SFMBT2: variants seen among roughly 807,000 people sequenced by gnomAD.
The protein encoded by SFMBT2 is scm-like with four MBT domains protein 2.
A neutral mutation model predicts 110.1 loss-of-function variants in SFMBT2; 38 were observed. The ratio of observed to expected loss-of-function variants is 0.35; its 90% confidence interval spans 0.27 to 0.45. The LOEUF (loss-of-function observed/expected upper bound fraction) is 0.45, where lower values mean the gene tolerates loss of function less well. Among genes scored for constraint, SFMBT2 ranks in the 20% least tolerant of loss-of-function variants. The probability of loss-of-function intolerance (pLI) is 1.00; values close to 1 mark genes in which losing one functional copy is unlikely to be tolerated. For synonymous variants in SFMBT2, 425 were observed against 425.4 expected (o/e 1.00, Z 0.01); for missense variants, 1,011 against 1,094.9 (o/e 0.92, Z 1.08).
At chr10:7,194,464 T>C (rs931810729) in intron 15 of SFMBT2, among the ~76,000 whole-genome samples, 3 of 152,200 alleles carry the variant, frequency 2.0e-5, no homozygotes, top group Admixed American at 2.0e-4. Context: ...GACGTCTATT[T>C]CTGGCAGAAC....
intron 9 of SFMBT2, among the ~76,000 whole-genome samples, chr10:7,236,903 C>T (rs567578333): frequency 1.3e-5 from 2 of 152,264 alleles, no homozygotes; most frequent in African/African-American, 4.8e-5. Context: ...AATATATAAA[C>T]TACTTCTACG....
intron 5 of SFMBT2, chr10:7,285,413 T>C (rs1344098774): frequency 1.3e-5 from 2 of 152,466 alleles, no homozygotes; most frequent in Non-Finnish European, 2.9e-5. Context: ...TTAACGTGTG[T>C]ATGTTCAAAT....
intron 4 of SFMBT2, chr10:7,287,468 T>G (rs985858537): frequency 1.6e-5 from 4 of 243,198 alleles, no homozygotes; most frequent in Non-Finnish European, 2.7e-5. Context: ...GCATATCTCT[T>G]TGGCATGTCT....
intron 1 of SFMBT2, among the ~76,000 whole-genome samples, chr10:7,393,002 T>C (rs1845815550): frequency 1.3e-5 from 1 of 77,104 alleles, no homozygotes; most frequent in African/African-American, 1.1e-4. Context: ...TATATATATA[T>C]ATATATATAT....
intron 7 of SFMBT2, among the ~76,000 whole-genome samples, chr10:7,264,473 C>T (rs1841321191): frequency 6.6e-6 from 1 of 152,130 alleles, no homozygotes; most frequent in Non-Finnish European, 1.5e-5. Flanking sequence ...AGTCCAGATG[C>T]AGTACAAGCC....
At chr10:7,330,533 G>T (rs1049876245) in intron 4 of SFMBT2, among the ~76,000 whole-genome samples, 10 of 152,242 alleles carry the variant, frequency 6.6e-5, no homozygotes, top group Non-Finnish European at 1.3e-4. Context: ...GATGGCCCAG[G>T]AGCAGGTACT....
chr10:7,325,693 C>T lies in SFMBT2; in HGVS notation c.437-39739G>A, dbSNP rs559767872. Among the ~76,000 whole-genome samples, 18 of 152,276 alleles carry T rather than the reference C, an allele frequency of 1.2e-4. No individual in the cohort carries two copies. The South Asian group carries it at 1.7e-3, about 14-fold the overall frequency. On this transcript the variant is annotated intron_variant, in intron 4 of 20. Coordinates refer to ENST00000397167, the MANE Select transcript of SFMBT2 (RefSeq NM_001387889.1). ...AACTCTACCAGAAGGTACAACGTGG[C>T]GGTCAAATCTTTTATCTACTTAACA...
intron 4 of SFMBT2, among the ~76,000 whole-genome samples, chr10:7,307,468 C>G (rs959510923): frequency 6.6e-6 from 1 of 152,092 alleles, no homozygotes; most frequent in Admixed American, 6.5e-5. Context: ...TTTAAAGATA[C>G]AGTATAGATA....
At chr10:7,214,570 T>C (rs969115499) in intron 11 of SFMBT2, 31 of 985,372 alleles carry the variant, frequency 3.1e-5, no homozygotes, top group Non-Finnish European at 1.4e-5. Context: ...TACGGACTTA[T>C]GGGATCCCCA....
chr10:7,232,596 C>T (rs1564397279), intron 9 of SFMBT2, among the ~76,000 whole-genome samples: 2 of 152,050 alleles, frequency 1.3e-5, no homozygotes, highest in African/African-American at 4.8e-5. Flanking sequence ...TAAACATATA[C>T]AGAATTATTA....
chr10:7,401,674 C>T (rs1227655855), intron 1 of SFMBT2, among the ~76,000 whole-genome samples: 1 of 152,146 alleles, frequency 6.6e-6, no homozygotes. Context: ...CCTGATCTTC[C>T]TCCCCAAAAC....
intron 12 of SFMBT2, chr10:7,204,233 C>G: frequency 1.9e-6 from 1 of 527,270 alleles, no homozygotes; most frequent in Non-Finnish European, 2.4e-6. Flanking sequence ...CACATAATGT[C>G]CTCTGGTGCT....
intron 7 of SFMBT2, among the ~76,000 whole-genome samples, chr10:7,269,190 G>A (rs568888958): frequency 1.3e-5 from 2 of 152,252 alleles, no homozygotes; most frequent in South Asian, 4.1e-4. Flanking sequence ...AATAAGGTAA[G>A]TCAGAATTCC....
At chr10:7,376,232 C>T (rs535471926) in intron 2 of SFMBT2, among the ~76,000 whole-genome samples, 2 of 152,232 alleles carry the variant, frequency 1.3e-5, no homozygotes, top group Admixed American at 6.5e-5. Context: ...TTCTTGGTGT[C>T]CCCTGGGATG....
intron 4 of SFMBT2, among the ~76,000 whole-genome samples, chr10:7,332,603 T>A (rs1309411692): frequency 6.6e-6 from 1 of 152,216 alleles, no homozygotes; most frequent in African/African-American, 2.4e-5. Flanking sequence ...AAATGCTTTT[T>A]ATTAAAACAA....
At chr10:7,288,419 T>A (rs1842165750) in intron 4 of SFMBT2, among the ~76,000 whole-genome samples, 1 of 152,196 alleles carries the variant, frequency 6.6e-6, no homozygotes, top group Non-Finnish European at 1.5e-5. Flanking sequence ...ATTTTATACA[T>A]ACTCACATGG....
At chr10:7,219,611 A>T (rs1839659536) in intron 11 of SFMBT2, 1 of 268,272 alleles carries the variant, frequency 3.7e-6, no homozygotes, top group African/African-American at 2.3e-5. Flanking sequence ...TAAGATTTAA[A>T]CTATGAACTA....
At chr10:7,169,262 G>A (rs1036504246) in intron 20 of SFMBT2, among the ~76,000 whole-genome samples, 4 of 152,130 alleles carry the variant, frequency 2.6e-5, no homozygotes, top group Admixed American at 2.0e-4. Context: ...CGCCATGGCC[G>A]GCCTAATCAT....
chr10:7,283,181 A>G (rs1229388557), intron 6 of SFMBT2, among the ~76,000 whole-genome samples: 1 of 152,262 alleles, frequency 6.6e-6, no homozygotes, highest in Non-Finnish European at 1.5e-5. Flanking sequence ...CACCTGGCAC[A>G]TAGTAAACAT....
Sources: allele counts gnomAD v4.1 joint callset (sites outside exome capture counted in the v4.1 genomes callset), GRCh38; gene constraint gnomAD v4.1.1; transcripts MANE v1.5; gene names NCBI Gene and HGNC (gene_info 2026-07-23, HGNC 2026-07-21).